The following PAK5 variants were observed in gnomAD, a reference collection of about 807,000 sequenced individuals.
PAK5 encodes serine/threonine-protein kinase PAK 5.
A neutral mutation model predicts 65.9 loss-of-function variants in PAK5; 16 were observed. That is an observed-to-expected ratio of 0.24 (90% confidence interval 0.16 to 0.37). The LOEUF (loss-of-function observed/expected upper bound fraction) is 0.37, where lower values mean the gene tolerates loss of function less well. Among genes scored for constraint, PAK5 ranks in the 10% least tolerant of loss-of-function variants. The pLI is 1.00. For synonymous variants in PAK5, 371 were observed against 354.9 expected, an observed-to-expected ratio of 1.05 and a Z score of -0.51; for missense variants, 785 against 903.9, an observed-to-expected ratio of 0.87 and a Z score of 1.69.
intron 2 of PAK5, among the ~76,000 whole-genome samples, chr20:9,677,706 CT>C (rs1217751964): frequency 5.3e-5 from 8 of 152,168 alleles, no homozygotes; most frequent in African/African-American, 1.9e-4. Context: ...TGAATGGAAA[CT>C]GATATTTTCC....
intron 2 of PAK5, among the ~76,000 whole-genome samples, chr20:9,677,469 C>T (rs1321515510): frequency 6.6e-6 from 1 of 152,182 alleles, no homozygotes; most frequent in Admixed American, 6.5e-5. Context: ...TGGCCTTAGA[C>T]ATGAAACCCT....
At chr20:9,818,329 C>A (rs2049381733) in intron 1 of PAK5, among the ~76,000 whole-genome samples, 1 of 152,184 alleles carries the variant, frequency 6.6e-6, no homozygotes, top group South Asian at 2.1e-4. Flanking sequence ...TCCTACTCTG[C>A]TCCTTGGCAA....
chr20:9,579,030 A>G (rs1371545796), intron 4 of PAK5, among the ~76,000 whole-genome samples: 2 of 152,218 alleles, frequency 1.3e-5, no homozygotes, highest in East Asian at 3.8e-4. Flanking sequence ...ATACACTTAA[A>G]TGGCTTCTCT....
intron 2 of PAK5, among the ~76,000 whole-genome samples, chr20:9,680,421 T>C (rs2047634005): frequency 6.6e-6 from 1 of 152,178 alleles, no homozygotes; most frequent in Admixed American, 6.5e-5. Context: ...AAGCAGCCAG[T>C]GCAGAGCATA....
intron 3 of PAK5, among the ~76,000 whole-genome samples, chr20:9,618,915 G>GTT (rs150725498): frequency 0.05 from 932 of 18,816 alleles, 350 homozygotes; most frequent in East Asian, 0.065. Flanking sequence ...TCTTTCTTTC[G>GTT]TTTTTTTTTT....
intron 7 of PAK5, 125 bp downstream of exon 7, chr20:9,557,483 A>C: frequency 6.5e-5 from 45 of 697,132 alleles, no homozygotes; most frequent in Non-Finnish European, 9.2e-5. Flanking sequence ...TGTTCTGGGA[A>C]GAGAAGTAGG....
chr20:9,829,021 T>C (rs1014929372), intron 1 of PAK5, among the ~76,000 whole-genome samples: 3 of 152,240 alleles, frequency 2.0e-5, no homozygotes, highest in Admixed American at 1.3e-4. Flanking sequence ...GTACACCTTA[T>C]GGCCAATTTA....
chr20:9,618,147 C>T (rs1221805131), intron 3 of PAK5, among the ~76,000 whole-genome samples: 3 of 152,062 alleles, frequency 2.0e-5, no homozygotes, highest in Non-Finnish European at 1.5e-5. Flanking sequence ...ACAGCATACT[C>T]CAAGGAACAT....
At chr20:9,777,122 C>T (rs2048895173) in intron 1 of PAK5, among the ~76,000 whole-genome samples, 2 of 152,056 alleles carry the variant, frequency 1.3e-5, no homozygotes, top group African/African-American at 4.8e-5. Flanking sequence ...ACTCAGGAGG[C>T]TAGGCTGAGA....
chr20:9,721,463 C>A (rs2048212377), intron 1 of PAK5, among the ~76,000 whole-genome samples: 1 of 151,870 alleles, frequency 6.6e-6, no homozygotes, highest in Non-Finnish European at 1.5e-5. Context: ...GCCTGGCCAA[C>A]ATGGTGAAAC....
intron 6 of PAK5, among the ~76,000 whole-genome samples, chr20:9,561,675 G>A (rs182684518): frequency 1.3e-5 from 2 of 152,170 alleles, no homozygotes; most frequent in African/African-American, 4.8e-5. Flanking sequence ...TTGTTACCTT[G>A]TTTTCCACCA....
intron 2 of PAK5, among the ~76,000 whole-genome samples, chr20:9,668,138 G>A (rs1380340250): frequency 6.6e-6 from 1 of 151,976 alleles, no homozygotes; most frequent in African/African-American, 2.4e-5. Context: ...GCATGTTAGG[G>A]TATCCATCTA....
At chr20:9,557,175 C>T (rs2122953763) in intron 7 of PAK5, among the ~76,000 whole-genome samples, 1 of 152,154 alleles carries the variant, frequency 6.6e-6, no homozygotes, top group East Asian at 1.9e-4. Context: ...CTTTTGTAAA[C>T]TGTCCTTTAT....
intron 3 of PAK5, among the ~76,000 whole-genome samples, chr20:9,596,511 C>T (rs191257746): frequency 1.7e-4 from 26 of 151,998 alleles, no homozygotes; most frequent in African/African-American, 6.0e-4. Flanking sequence ...TGGTGGGCGC[C>T]TATAGTCCCA....
At position 9,811,537 on chromosome 20, in the gene PAK5, T is replaced by G. The variant is rs146542813; in HGVS notation, c.-162+27225A>C. ...GCACTATGACCAGAGGCCAACTACTTTCACTCTCTTAAAGGTTGCATGACT... is the reference window on the plus strand; with the variant it reads ...GCACTATGACCAGAGGCCAACTACTGTCACTCTCTTAAAGGTTGCATGACT... On this transcript the variant is annotated intron_variant, in intron 1 of 9. Coordinates refer to ENST00000353224, the MANE Select transcript of PAK5 (RefSeq NM_177990.4). Among the ~76,000 whole-genome samples, 642 of 152,238 alleles carry G rather than the reference T, an allele frequency of 4.2e-3. 6 individuals are homozygous for G. The highest frequency in any genetic ancestry group is 0.015 in the African/African-American group (603 of 41,526).
intron 1 of PAK5, among the ~76,000 whole-genome samples, chr20:9,732,150 T>C (rs761484225): frequency 3.1e-4 from 47 of 151,774 alleles, no homozygotes; most frequent in Non-Finnish European, 5.9e-4. Flanking sequence ...AAATTAGTAC[T>C]GCATCAAAAA....
chr20:9,632,473 C>T (rs934425221), intron 3 of PAK5, among the ~76,000 whole-genome samples: 5 of 152,116 alleles, frequency 3.3e-5, no homozygotes, highest in Non-Finnish European at 7.4e-5. Context: ...GAGAAGACTG[C>T]GTGGATTACA....
At chr20:9,582,840 A>G (rs1001086364) in intron 3 of PAK5, among the ~76,000 whole-genome samples, 3 of 152,174 alleles carry the variant, frequency 2.0e-5, no homozygotes, top group African/African-American at 7.2e-5. Flanking sequence ...TTGGGTTATA[A>G]GCCAACACTC....
At chr20:9,799,019 G>A (rs2049137227) in intron 1 of PAK5, among the ~76,000 whole-genome samples, 1 of 151,984 alleles carries the variant, frequency 6.6e-6, no homozygotes, top group Non-Finnish European at 1.5e-5. Context: ...AGAAGGGAAA[G>A]GAAAGAATTA....
Sources: allele counts gnomAD v4.1 joint callset (sites outside exome capture counted in the v4.1 genomes callset), GRCh38; gene constraint gnomAD v4.1.1; transcripts MANE v1.5; gene names NCBI Gene and HGNC (gene_info 2026-07-23, HGNC 2026-07-21).